The following TNFSF10 variants were observed in gnomAD, a reference collection of about 807,000 sequenced individuals.
TNFSF10 encodes tumor necrosis factor ligand superfamily member 10.
Under a neutral mutation model 29.5 loss-of-function variants are expected in TNFSF10, and 13 were observed. The observed-to-expected ratio is 0.44, with a 90% CI of 0.29 to 0.70. TNFSF10 has a LOEUF of 0.70. Among genes scored for constraint, TNFSF10 ranks in the 30% least tolerant of loss-of-function variants. The probability of loss-of-function intolerance (pLI) is 0.13; values close to 1 mark genes in which losing one functional copy is unlikely to be tolerated. For missense variants in TNFSF10, 345 were observed against 330.9 expected, an observed-to-expected ratio of 1.04 and a Z score of -0.33; for synonymous variants, 111 against 112.8, an observed-to-expected ratio of 0.98 and a Z score of 0.10.
chr3:172,522,364 T>A, intron 1 of TNFSF10: 1 of 1,307,996 alleles, frequency 7.6e-7, no homozygotes. Context: ...AGTATCACAG[T>A]AACAAGGCCC....
chr3:172,515,985 A>G (rs1023704135), intron 1 of TNFSF10, among the ~76,000 whole-genome samples: 12 of 152,178 alleles, frequency 7.9e-5, no homozygotes, highest in Non-Finnish European at 1.5e-4. Context: ...TGAATTGGCC[A>G]GGCGCGGTGG....
chr3:172,512,426 C>G (rs530629526), intron 2 of TNFSF10, among the ~76,000 whole-genome samples: 2 of 152,312 alleles, frequency 1.3e-5, no homozygotes, highest in African/African-American at 4.8e-5. Context: ...CTCCTGCCAC[C>G]TTCTCCCATC....
chr3:172,518,357 G>A, intron 1 of TNFSF10: 1 of 1,282,420 alleles, frequency 7.8e-7, no homozygotes, highest in South Asian at 1.3e-5. Flanking sequence ...ACCAGTCCTT[G>A]ATGGGGCTTG....
intron 1 of TNFSF10, among the ~76,000 whole-genome samples, chr3:172,516,767 G>C (rs11574670): frequency 6.6e-6 from 1 of 152,140 alleles, no homozygotes; most frequent in African/African-American, 2.4e-5. Context: ...GTTGCACCTC[G>C]AATTGACTTG....
chr3:172,519,656 A>G (rs1034520314), intron 1 of TNFSF10, among the ~76,000 whole-genome samples: 1 of 152,272 alleles, frequency 6.6e-6, no homozygotes, highest in African/African-American at 2.4e-5. Flanking sequence ...GTCATCTAAT[A>G]GTAGCCATAA....
intron 1 of TNFSF10, among the ~76,000 whole-genome samples, chr3:172,520,290 C>A (rs1207651248): frequency 1.3e-5 from 2 of 152,226 alleles, no homozygotes; most frequent in African/African-American, 4.8e-5. Flanking sequence ...GGACCATCCA[C>A]AGGCAGAGAT....
chr3:172,509,567 G>A (rs963291643), intron 3 of TNFSF10, among the ~76,000 whole-genome samples: 6 of 152,260 alleles, frequency 3.9e-5, no homozygotes, highest in South Asian at 2.1e-4. Flanking sequence ...AGTGTCTCAC[G>A]GGTAGGGTCC....
In TNFSF10 at chr3:172,523,375, T is replaced by G; in HGVS notation, c.10A>C (p.Met4Leu). MAM[M>L]EVQGGPSLGQ... ...AGGCTGGGTCCCCCCTGGACCTCCA[T>G]CATAGCCATGATCCTGTCAGAGTCT... is the stretch of plus-strand genomic sequence containing the variant. The change falls in exon 1 of 5, where the codon ATG (methionine) becomes CTG (leucine). Residue 4 changes from methionine (M) to leucine (L), a missense_variant. Physicochemically the swap from Met to Leu is conservative, Grantham distance 15. Transcript: ENST00000241261. 4 of 1,613,678 alleles carry G rather than the reference T, an allele frequency of 2.5e-6. No homozygotes were observed. Among genetic ancestry groups the G allele is most frequent in the Non-Finnish European group, 3.4e-6 (4 of 1,179,670 alleles).
chr3:172,516,734 C>T (rs747027519), intron 1 of TNFSF10, among the ~76,000 whole-genome samples: 2 of 152,270 alleles, frequency 1.3e-5, no homozygotes, highest in African/African-American at 4.8e-5. Context: ...CTTGCCCCTG[C>T]CTGCCCCACC....
chr3:172,510,337 T>C (rs933926929), intron 3 of TNFSF10, among the ~76,000 whole-genome samples: 11 of 151,996 alleles, frequency 7.2e-5, no homozygotes, highest in African/African-American at 2.4e-4. Context: ...GTGCCCGTAG[T>C]CCTACTATTC....
chr3:172,515,082 G>A, intron 1 of TNFSF10, 84 bp from the exon 2 acceptor site: 1 of 1,574,904 alleles, frequency 6.3e-7, no homozygotes, highest in Non-Finnish European at 8.6e-7. Context: ...AACAGAAACT[G>A]ATAGCAGACT....
At chr3:172,517,253 GC>G (rs1288116788) in intron 1 of TNFSF10, 1 of 847,050 alleles carries the variant, frequency 1.2e-6, no homozygotes, top group African/African-American at 1.8e-5. Flanking sequence ...TCGTGGTGGA[GC>G]TTGTGCCACA....
At chr3:172,518,297 G>T in intron 1 of TNFSF10, 1 of 1,184,498 alleles carries the variant, frequency 8.4e-7, no homozygotes, top group Non-Finnish European at 1.1e-6. Context: ...TTTCCATGGT[G>T]ACTGCTCTTG....
At chr3:172,507,006 AT>A (rs771972201) in intron 4 of TNFSF10, 87 bp from the exon 5 acceptor site, 4 of 1,227,836 alleles carry the variant, frequency 3.3e-6, no homozygotes, top group Non-Finnish European at 4.4e-6. Context: ...GCCAGCCTAT[AT>A]TTTTGTTGGG....
chr3:172,516,811 G>A (rs116792332), intron 1 of TNFSF10, among the ~76,000 whole-genome samples: 2,628 of 152,278 alleles, frequency 0.017, 48 homozygotes, highest in Non-Finnish European at 0.027. Flanking sequence ...AAGGCACTCA[G>A]TCACATATGA....
intron 1 of TNFSF10, among the ~76,000 whole-genome samples, chr3:172,519,851 A>G (rs919414483): frequency 1.3e-5 from 2 of 152,188 alleles, no homozygotes; most frequent in African/African-American, 4.8e-5. Flanking sequence ...TTAGCCTTTC[A>G]TTTCCTAGTC....
At position 172,523,291 on chromosome 3, in the gene TNFSF10, C is replaced by A. The variant is rs770845371; in HGVS notation, c.94G>T (p.Ala32Ser). The change falls in exon 1 of 5, where the codon GCT (alanine) becomes TCT (serine). Residue 32 changes from alanine to serine, a missense_variant. Ala to Ser is a moderately conservative substitution (Grantham distance 99, BLOSUM62 1). Transcript: ENST00000241261. ...TTGGTAAAGTACACGTAAGTTACAG[C>A]CACACAGAGAGACTGCAGGAGCACT... The part of the protein sequence containing the change: ...FTVLLQSLCV[A>S]VTYVYFTNEL... 4 of 1,613,956 alleles carry A rather than the reference C, an allele frequency of 2.5e-6. No homozygotes were observed. The East Asian group carries it at 8.9e-5, about 36-fold the overall frequency.
At chr3:172,513,449 C>T (rs1034045361) in intron 2 of TNFSF10, among the ~76,000 whole-genome samples, 1 of 152,236 alleles carries the variant, frequency 6.6e-6, no homozygotes, top group Admixed American at 6.5e-5. Flanking sequence ...TGCTTCCGTA[C>T]AGCTTGTGTG....
Position 172,506,768 on chromosome 3 carries a change from A to G in TNFSF10, c.570T>C (p.Phe190=). 1 of 1,614,146 alleles carries G rather than the reference A, an allele frequency of 6.2e-7. No homozygotes were observed. Among genetic ancestry groups the G allele is most frequent in the Non-Finnish European group, 8.5e-7 (1 of 1,180,036 alleles). The change falls in exon 5 of 5, where the codon TTT becomes TTC. Residue 190 remains phenylalanine (F), a synonymous_variant. Transcript: ENST00000241261. ...TTTCTTTTATTTCCTCCTGAAATCGAAAGTATGTTTGGGAATAGATGTAGT... is the reference window on the plus strand; with the variant it reads ...TTTCTTTTATTTCCTCCTGAAATCGGAAGTATGTTTGGGAATAGATGTAGT... The part of the protein sequence containing the change: ...GFYYIYSQTY[F]RFQEEIKENT...
Sources: allele counts gnomAD v4.1 joint callset (sites outside exome capture counted in the v4.1 genomes callset), GRCh38; gene constraint gnomAD v4.1.1; transcripts MANE v1.5; gene names NCBI Gene and HGNC (gene_info 2026-07-23, HGNC 2026-07-21).